LIPC: variants seen among roughly 807,000 people sequenced by gnomAD.
LIPC encodes the protein lipase C, hepatic type.
Under a neutral mutation model 50.7 loss-of-function variants are expected in LIPC, and 44 were observed. That is an observed-to-expected ratio of 0.87 (90% CI 0.68 to 1.11). The LOEUF is 1.11. LIPC is among the 50% of genes most tolerant of loss of function. LIPC has a pLI of 0.00. For synonymous variants in LIPC, 271 were observed against 256.4 expected (o/e 1.06, Z -0.54); for missense variants, 697 against 648.2 (o/e 1.08, Z -0.82).
chr15:58,501,131 A>C (rs1379117012), intron 1 of LIPC, among the ~76,000 whole-genome samples: 2 of 151,734 alleles, frequency 1.3e-5, no homozygotes, highest in East Asian at 3.9e-4. Flanking sequence ...CTCCACCTTA[A>C]AATGCCTCCT....
rs1291984312 is a variant in LIPC at position 58,563,586 on chromosome 15, G to A, written c.1251G>A (p.Lys417=). 3 of 1,614,150 alleles carry A rather than the reference G, an allele frequency of 1.9e-6. No homozygotes were observed. The highest frequency in any genetic ancestry group is 3.3e-5 in the Admixed American group (2 of 60,034). ...DVDIGELIMI[K]FKWENSAVWA... Reference sequence around the variant, plus strand: ...ATATCGGCGAGCTGATCATGATCAAGTTCAAGTGGGAAAACAGTGCAGTGT... The same window carrying A: ...ATATCGGCGAGCTGATCATGATCAAATTCAAGTGGGAAAACAGTGCAGTGT... Residue 417 remains lysine (K), a synonymous_variant, in exon 8 of 9, where the codon AAG becomes AAA. Coordinates refer to ENST00000299022, the MANE Select transcript of LIPC (RefSeq NM_000236.3).
intron 1 of LIPC, among the ~76,000 whole-genome samples, chr15:58,466,653 T>C (rs1334466425): frequency 6.6e-6 from 1 of 152,224 alleles, no homozygotes; most frequent in African/African-American, 2.4e-5. Context: ...ACTTTCTATG[T>C]TGTTTGGGCT....
In LIPC at chr15:58,552,107, G is replaced by C. The variant is rs139739105; in HGVS notation, c.1051+3535G>C. On this transcript the variant is annotated intron_variant, in intron 6 of 8. Transcript: ENST00000299022. The stretch of plus-strand genomic sequence containing the variant: ...AACGGATCTGTACGGAGTAAATCCT[G>C]TTTCGCCAGTGCCTCCTCTCATTTC... Among the ~76,000 whole-genome samples the C allele has an allele frequency of 5.8e-3, 891 of 152,334 alleles. 10 individuals carry two copies. The highest frequency in any genetic ancestry group is 0.02 in the African/African-American group (838 of 41,564).
At chr15:58,444,162 G>A (rs1237449322) in intron 1 of LIPC, among the ~76,000 whole-genome samples, 1 of 152,180 alleles carries the variant, frequency 6.6e-6, no homozygotes, top group Non-Finnish European at 1.5e-5. Flanking sequence ...GGCACTCTTG[G>A]TGTATTATTG....
chr15:58,436,012 G>T (rs1321793981), intron 1 of LIPC: 3 of 152,214 alleles, frequency 2.0e-5, no homozygotes, highest in African/African-American at 7.2e-5. Flanking sequence ...TGGATTTTAT[G>T]TAGTAAGTAT....
At chr15:58,483,735 A>AT (rs540902412) in intron 1 of LIPC, among the ~76,000 whole-genome samples, 2 of 152,014 alleles carry the variant, frequency 1.3e-5, no homozygotes, top group Non-Finnish European at 2.9e-5. Context: ...TCCTACATCA[A>AT]TTTTTTTTAA....
intron 1 of LIPC, among the ~76,000 whole-genome samples, chr15:58,473,275 T>C (rs1037453540): frequency 4.6e-5 from 7 of 152,038 alleles, no homozygotes; most frequent in Non-Finnish European, 1.0e-4. Flanking sequence ...TGCCAGGGAA[T>C]CAGTGATGAG....
At chr15:58,504,847 C>T (rs1471330578) in intron 1 of LIPC, among the ~76,000 whole-genome samples, 2 of 152,160 alleles carry the variant, frequency 1.3e-5, no homozygotes, top group Non-Finnish European at 2.9e-5. Flanking sequence ...TATCCTATCT[C>T]GAGGAGAGCT....
At chr15:58,512,115 T>G (rs1240422725) in intron 1 of LIPC, among the ~76,000 whole-genome samples, 1 of 151,806 alleles carries the variant, frequency 6.6e-6, no homozygotes, top group Non-Finnish European at 1.5e-5. Context: ...TTTTTTTTTT[T>G]GAGACGGAGT....
intron 1 of LIPC, among the ~76,000 whole-genome samples, chr15:58,509,057 T>C (rs1395419182): frequency 2.0e-5 from 3 of 152,114 alleles, no homozygotes; most frequent in African/African-American, 7.2e-5. Context: ...CTGAGCCAAA[T>C]AAAGCAAAAT....
intron 1 of LIPC, among the ~76,000 whole-genome samples, chr15:58,496,532 G>A (rs1201156620): frequency 1.3e-5 from 2 of 152,026 alleles, no homozygotes; most frequent in African/African-American, 2.4e-5. Context: ...AAGATATCAG[G>A]CTTTCCTGGC....
At chr15:58,469,793 G>A (rs1404313973) in intron 1 of LIPC, among the ~76,000 whole-genome samples, 1 of 152,202 alleles carries the variant, frequency 6.6e-6, no homozygotes, top group Admixed American at 6.5e-5. Context: ...AGCTCGTTGA[G>A]AAGATGCAAG....
intron 1 of LIPC, among the ~76,000 whole-genome samples, chr15:58,468,866 G>T (rs904790192): frequency 6.6e-6 from 1 of 152,118 alleles, no homozygotes; most frequent in Admixed American, 6.5e-5. Flanking sequence ...CAGTAAATTG[G>T]CTCCTTTCCT....
At chr15:58,460,716 T>C (rs144236107) in intron 1 of LIPC, among the ~76,000 whole-genome samples, 40 of 152,272 alleles carry the variant, frequency 2.6e-4, no homozygotes, top group African/African-American at 9.1e-4. Flanking sequence ...CTCGCCATGA[T>C]GTTTTCCAGG....
chr15:58,482,592 C>T (rs1300353750), intron 1 of LIPC, among the ~76,000 whole-genome samples: 2 of 152,158 alleles, frequency 1.3e-5, no homozygotes, highest in Non-Finnish European at 2.9e-5. Context: ...TAGCCACAGC[C>T]ACTCTAAATT....
At chr15:58,511,615 T>C (rs555711789) in intron 1 of LIPC, among the ~76,000 whole-genome samples, 50 of 152,292 alleles carry the variant, frequency 3.3e-4, no homozygotes, top group African/African-American at 1.0e-3. Flanking sequence ...CAAAGCTAAA[T>C]TGGCGCTGAC....
chr15:58,527,326 T>C (rs1892826185), intron 1 of LIPC, among the ~76,000 whole-genome samples: 1 of 152,078 alleles, frequency 6.6e-6, no homozygotes, highest in African/African-American at 2.4e-5. Context: ...GTCAGGCAAG[T>C]CTCAAAGAAG....
intron 1 of LIPC, among the ~76,000 whole-genome samples, chr15:58,467,913 C>T (rs1182333640): frequency 1.3e-5 from 2 of 152,110 alleles, no homozygotes; most frequent in African/African-American, 4.8e-5. Flanking sequence ...GCTTGGACTC[C>T]GGGGTCAGCT....
Position 58,563,569 on chromosome 15 carries a change from G to C in LIPC, c.1234G>C (p.Glu412Gln), listed in dbSNP as rs774995346. 1.2e-6 allele frequency: 2 copies of C among 1,614,026 alleles called. No individual in the cohort carries two copies. Among genetic ancestry groups the C allele is most frequent in the African/African-American group, 2.7e-5 (2 of 74,906 alleles). Residue 412 changes from glutamate (E) to glutamine (Q), a missense_variant, in exon 8 of 9, where the codon GAG becomes CAG. Glu to Gln is a conservative substitution (Grantham distance 29). Coordinates refer to ENST00000299022, the MANE Select transcript of LIPC (RefSeq NM_000236.3). ...TATCACGCTGGATGTGGATATCGGCGAGCTGATCATGATCAAGTTCAAGTG... is the reference window on the plus strand; with the variant it reads ...TATCACGCTGGATGTGGATATCGGCCAGCTGATCATGATCAAGTTCAAGTG... The part of the protein sequence containing the change: ...FLITLDVDIG[E>Q]LIMIKFKWEN...
Sources: gnomAD v4.1 joint callset for allele counts (sites outside exome capture counted in the v4.1 genomes callset) on GRCh38, gnomAD v4.1.1 for gene constraint, MANE v1.5 for transcripts, NCBI Gene and HGNC (gene_info 2026-07-23, HGNC 2026-07-21) for gene names.